The following DLG2 variants were observed in gnomAD, a reference collection of about 807,000 sequenced individuals.
DLG2 encodes disks large homolog 2.
A neutral mutation model predicts 132.5 loss-of-function variants in DLG2; 45 were observed. That is an observed-to-expected ratio of 0.34 (90% CI 0.27 to 0.44). DLG2 has a LOEUF of 0.44. Among genes scored for constraint, DLG2 ranks in the 20% least tolerant of loss-of-function variants. The probability of loss-of-function intolerance (pLI) is 1.00; values close to 1 mark genes in which losing one functional copy is unlikely to be tolerated. For synonymous variants in DLG2, 424 were observed against 419.6 expected (o/e 1.01, Z -0.13); for missense variants, 1,045 against 1,196.9 (o/e 0.87, Z 1.87).
At chr11:84,432,373 G>C (rs2098987263) in intron 7 of DLG2, among the ~76,000 whole-genome samples, 1 of 152,204 alleles carries the variant, frequency 6.6e-6, no homozygotes, top group Non-Finnish European at 1.5e-5. Context: ...GCCATATCAT[G>C]ATGGGTTTTG....
At chr11:85,525,792 T>G (rs1225484534) in intron 3 of DLG2, among the ~76,000 whole-genome samples, 1 of 152,160 alleles carries the variant, frequency 6.6e-6, no homozygotes, top group Non-Finnish European at 1.5e-5. Context: ...ATGCATGTAG[T>G]CTCTCTGAGA....
At chr11:84,821,639 A>C (rs12418022) in intron 6 of DLG2, among the ~76,000 whole-genome samples, 4,879 of 128,418 alleles carry the variant, frequency 0.038, 248 homozygotes, top group South Asian at 0.15. Context: ...AAAAAAAAAA[A>C]AACAACAACA....
chr11:85,394,855 A>G (rs1432125123), intron 3 of DLG2, among the ~76,000 whole-genome samples: 1 of 152,202 alleles, frequency 6.6e-6, no homozygotes, highest in East Asian at 1.9e-4. Flanking sequence ...GTGTAAGAAC[A>G]TGTGAACCTT....
chr11:85,083,499 ATG>A, intron 6 of DLG2, among the ~76,000 whole-genome samples: 1 of 152,184 alleles, frequency 6.6e-6, no homozygotes, highest in African/African-American at 2.4e-5. Context: ...TCCTGAGAAC[ATG>A]TGCCCAAGGT....
chr11:85,469,143 T>A (rs2092904676), intron 3 of DLG2, among the ~76,000 whole-genome samples: 1 of 152,224 alleles, frequency 6.6e-6, no homozygotes, highest in South Asian at 2.1e-4. Context: ...ATCCAATCCA[T>A]CAGCAAGTCC....
chr11:83,703,776 G>C (rs1172792981), intron 18 of DLG2, among the ~76,000 whole-genome samples: 4 of 152,154 alleles, frequency 2.6e-5, no homozygotes, highest in Non-Finnish European at 4.4e-5. Flanking sequence ...CCCATAACAA[G>C]CTAACCTAAT....
At chr11:84,618,620 G>T (rs369848861) in intron 6 of DLG2, among the ~76,000 whole-genome samples, 1 of 151,940 alleles carries the variant, frequency 6.6e-6, no homozygotes, top group African/African-American at 2.4e-5. Context: ...CTCTCAAAAG[G>T]GACCAAAGTG....
chr11:85,090,999 T>C (rs1693711863), intron 6 of DLG2, among the ~76,000 whole-genome samples: 1 of 152,166 alleles, frequency 6.6e-6, no homozygotes, highest in African/African-American at 2.4e-5. Flanking sequence ...TGGTGCCATG[T>C]TCTCTTTAAC....
chr11:84,768,537 T>C (rs2068762677), intron 6 of DLG2, among the ~76,000 whole-genome samples: 1 of 152,164 alleles, frequency 6.6e-6, no homozygotes, highest in African/African-American at 2.4e-5. Context: ...TATATAATAG[T>C]ACAAATACTT....
intron 19 of DLG2, among the ~76,000 whole-genome samples, chr11:83,578,650 A>C (rs2096920900): frequency 6.6e-6 from 1 of 152,214 alleles, no homozygotes; most frequent in Non-Finnish European, 1.5e-5. Context: ...TTTCAGAGCA[A>C]AGAATATTAT....
intron 6 of DLG2, among the ~76,000 whole-genome samples, chr11:84,720,000 G>A (rs2061617883): frequency 1.3e-5 from 2 of 152,078 alleles, no homozygotes; most frequent in South Asian, 4.2e-4. Flanking sequence ...AAATGCATAA[G>A]GAGATCCCAA....
intron 8 of DLG2, among the ~76,000 whole-genome samples, chr11:84,218,359 C>T (rs1057055492): frequency 5.5e-5 from 5 of 90,190 alleles, no homozygotes; most frequent in Admixed American, 1.9e-4. Flanking sequence ...AAAGAGAGAG[C>T]GAGAGAAAGG....
At chr11:83,893,457 A>G (rs976220247) in intron 15 of DLG2, among the ~76,000 whole-genome samples, 5 of 152,148 alleles carry the variant, frequency 3.3e-5, no homozygotes, top group Non-Finnish European at 7.3e-5. Context: ...TATTTTCGCT[A>G]GTTCTCTCTA....
chr11:84,167,569 T>C lies in DLG2; in HGVS notation c.574-4058A>G, dbSNP rs188191762. 8.6e-4 allele frequency among the ~76,000 whole-genome samples: 131 copies of C among 152,324 alleles called. No individual in the cohort carries two copies. The East Asian group carries it at 8.9e-3, about 10-fold the overall frequency. ...CTATCCATATTTTAATGTTGTTTCA[T>C]TGGAATCTTAAATAATAATTTCTCT... On this transcript the variant is annotated intron_variant, in intron 8 of 27. Coordinates refer to ENST00000376104, the MANE Select transcript of DLG2 (RefSeq NM_001142699.3).
intron 6 of DLG2, among the ~76,000 whole-genome samples, chr11:84,781,173 T>C (rs540331588): frequency 1.3e-5 from 2 of 152,112 alleles, no homozygotes; most frequent in African/African-American, 4.8e-5. Context: ...ACAAGGTATC[T>C]TTTGAATGTA....
chr11:84,493,376 G>A (rs1384267768), intron 7 of DLG2, among the ~76,000 whole-genome samples: 1 of 152,002 alleles, frequency 6.6e-6, no homozygotes, highest in Non-Finnish European at 1.5e-5. Flanking sequence ...GTAGTGGTGG[G>A]TTTTGTAATT....
intron 6 of DLG2, among the ~76,000 whole-genome samples, chr11:84,818,291 A>G (rs2077288754): frequency 6.6e-6 from 1 of 151,956 alleles, no homozygotes; most frequent in Non-Finnish European, 1.5e-5. Flanking sequence ...GAGCACTTAC[A>G]TAGTCAGTAA....
At chr11:84,783,931 A>C (rs1387472877) in intron 6 of DLG2, among the ~76,000 whole-genome samples, 3 of 152,022 alleles carry the variant, frequency 2.0e-5, no homozygotes, top group Non-Finnish European at 4.4e-5. Context: ...GTTGGGAAGC[A>C]AATGGAGTTT....
intron 15 of DLG2, among the ~76,000 whole-genome samples, chr11:83,884,691 A>T (rs1595911018): frequency 1.3e-5 from 2 of 151,990 alleles, no homozygotes; most frequent in South Asian, 4.2e-4. Flanking sequence ...ACTGGAAGGC[A>T]CCCCCCAGTA....
Sources: gnomAD v4.1 joint callset for allele counts (sites outside exome capture counted in the v4.1 genomes callset) on GRCh38, gnomAD v4.1.1 for gene constraint, MANE v1.5 for transcripts, NCBI Gene and HGNC (gene_info 2026-07-23, HGNC 2026-07-21) for gene names.